The following PDE2A variants were observed in gnomAD, a reference collection of about 807,000 sequenced individuals.
PDE2A encodes cGMP-dependent 3',5'-cyclic phosphodiesterase.
Under a neutral mutation model 133.6 loss-of-function variants are expected in PDE2A, and 53 were observed. The observed-to-expected ratio is 0.40, with a 90% CI of 0.32 to 0.50. The LOEUF is 0.50. Ranked by LOEUF, PDE2A falls within the 20% of genes least tolerant of loss-of-function variation. PDE2A has a pLI of 0.73. For synonymous variants in PDE2A, 491 were observed against 490.2 expected (o/e 1.00, Z -0.02); for missense variants, 796 against 1,232.4 (o/e 0.65, Z 5.30).
At chr11:72,662,602 T>G (rs1407235904) in intron 1 of PDE2A, among the ~76,000 whole-genome samples, 1 of 152,144 alleles carries the variant, frequency 6.6e-6, no homozygotes, top group Non-Finnish European at 1.5e-5. Flanking sequence ...ACAGGCAGCA[T>G]GAGGCAGGGA....
chr11:72,608,879 C>T, intron 2 of PDE2A, 128 bp from the exon 3 acceptor site: 3 of 637,136 alleles, frequency 4.7e-6, no homozygotes, highest in Non-Finnish European at 8.7e-6. Flanking sequence ...ACAGGAATCC[C>T]AGGATCTTAG....
At position 72,588,867 on chromosome 11, in the gene PDE2A, G is replaced by A. The variant is rs775051358; in HGVS notation, c.987C>T (p.Ala329=). The A allele has an allele frequency of 6.2e-7, 1 of 1,611,636 alleles. No individual in the cohort carries two copies. Among genetic ancestry groups the A allele is most frequent in the East Asian group, 2.2e-5 (1 of 44,814 alleles). ...LQSMLGCELQ[A]MLCVPVISRA... ...GGCTGATGACAGGGACACAGAGCAT[G>A]GCCTGCAGCTCACAGCCCAACATGC... The change falls in exon 13 of 31, where the codon GCC becomes GCT. Residue 329 remains alanine (A), a synonymous_variant. Coordinates refer to ENST00000334456, the MANE Select transcript of PDE2A (RefSeq NM_002599.5).
intron 20 of PDE2A, among the ~76,000 whole-genome samples, chr11:72,582,842 G>C (rs1204257850): frequency 6.6e-6 from 1 of 152,144 alleles, no homozygotes; most frequent in African/African-American, 2.4e-5. Flanking sequence ...CCTAACCATG[G>C]CAGCATTTCA....
intron 4 of PDE2A, among the ~76,000 whole-genome samples, chr11:72,599,646 G>T (rs1430796210): frequency 6.6e-6 from 1 of 152,162 alleles, no homozygotes; most frequent in Non-Finnish European, 1.5e-5. Context: ...TCCTAGCTGG[G>T]TCTCTTCAAT....
rs936760036 is a variant in PDE2A at position 72,674,263 on chromosome 11, C to T, written c.-56G>A. ...CTAAGGTGGCACCTCGCCCTGTCCC[C>T]GCTGCCTGGAGTTCAGGGCAGGGCA... On this transcript the variant is annotated 5_prime_UTR_variant, in exon 1 of 31. Transcript: ENST00000334456. 9 of 1,554,038 alleles carry T rather than the reference C, an allele frequency of 5.8e-6. No individual in the cohort carries two copies. Among genetic ancestry groups the T allele is most frequent in the African/African-American group, 2.7e-5 (2 of 73,604 alleles).
At chr11:72,649,666 T>C (rs1277750875) in intron 1 of PDE2A, among the ~76,000 whole-genome samples, 1 of 152,192 alleles carries the variant, frequency 6.6e-6, no homozygotes, top group Non-Finnish European at 1.5e-5. Context: ...GGAGTCACTC[T>C]AGCCATTCAG....
rs1856215608 is a variant in PDE2A, at chr11:72,590,860, C to T, written c.550-280G>A. 1 of 399,678 alleles carries T rather than the reference C, an allele frequency of 2.5e-6. No individual in the cohort carries two copies. The highest frequency in any genetic ancestry group is 3.9e-5 in the East Asian group (1 of 25,516). The allele number at this position is 399,678 out of a possible 1,614,324, so 24.8% of individuals were successfully genotyped here. ...CCAAGACAAGATGTCAGATTTCTGT[C>T]TCCAGCCCCCTCAGGAAGTCGTAAG... is the stretch of plus-strand genomic sequence containing the variant. On this transcript the variant is annotated intron_variant, in intron 7 of 30. Coordinates refer to ENST00000334456, the MANE Select transcript of PDE2A (RefSeq NM_002599.5). The surrounding 1 kb of genome is among the most constrained non-coding windows in gnomAD (Gnocchi z 4.8).
chr11:72,638,671 C>A (rs1044765880), intron 2 of PDE2A, among the ~76,000 whole-genome samples: 1 of 130,176 alleles, frequency 7.7e-6, no homozygotes, highest in Non-Finnish European at 1.8e-5. Context: ...GACTTTTGGA[C>A]AATTGCATGA....
At chr11:72,631,266 G>A in intron 2 of PDE2A, 1 of 661,450 alleles carries the variant, frequency 1.5e-6, no homozygotes, top group South Asian at 1.9e-5. Context: ...TTGCCTGCTT[G>A]CACCCTGCTC....
In PDE2A at chr11:72,576,576, A is replaced by G. The variant is rs1483571103; in HGVS notation, c.*808T>C. 5.9e-6 allele frequency: 1 copy of G among 169,504 alleles called. No homozygotes were observed. The highest frequency in any genetic ancestry group is 1.5e-5 in the Non-Finnish European group (1 of 68,388). 10.5% of individuals were successfully genotyped at this position (169,504 alleles called of 1,614,324 possible). On this transcript the variant is annotated 3_prime_UTR_variant, in exon 31 of 31. Coordinates refer to ENST00000334456, the MANE Select transcript of PDE2A (RefSeq NM_002599.5). ...CTGCTGGGACTCCGCAGAGCGATAGAGCTATTTTAGACATTGATCTAAAAT... is the reference window on the plus strand; with the variant it reads ...CTGCTGGGACTCCGCAGAGCGATAGGGCTATTTTAGACATTGATCTAAAAT...
intron 18 of PDE2A, 114 bp downstream of exon 18, chr11:72,584,437 C>CT (rs1855867366): frequency 7.5e-7 from 1 of 1,330,158 alleles, no homozygotes; most frequent in Non-Finnish European, 1.1e-6. Flanking sequence ...TGGAACCCGA[C>CT]TCCCTTATGC....
rs1055914593 is a variant in PDE2A, at chr11:72,585,669, G to C, written c.1183-76C>G. On this transcript the variant is annotated intron_variant, in intron 14 of 30. Coordinates refer to ENST00000334456, the MANE Select transcript of PDE2A (RefSeq NM_002599.5). ...CCTATCCAACCTCCTGCCTCCAACA[G>C]CACCCGGGTCTTCTCCTTCCTTCCC... 8.5e-6 allele frequency: 11 copies of C among 1,301,452 alleles called. No homozygotes were observed. The African/African-American group carries it at 1.2e-4, about 14-fold the overall frequency. 80.6% of individuals were successfully genotyped at this position (1,301,452 alleles called of 1,614,324 possible). A position where few individuals can be genotyped will look rare whatever the true frequency, so the allele number is the denominator to read the frequency against.
chr11:72,603,145 G>T (rs1156998565), intron 4 of PDE2A, among the ~76,000 whole-genome samples: 1 of 152,184 alleles, frequency 6.6e-6, no homozygotes, highest in Admixed American at 6.5e-5. Context: ...TCCCCTGGGA[G>T]GTCCTTGCTG....
intron 7 of PDE2A, 66 bp downstream of exon 7, chr11:72,591,231 G>T: frequency 1.5e-6 from 2 of 1,352,078 alleles, no homozygotes; most frequent in Non-Finnish European, 2.1e-6. Context: ...CCCTGGCCAG[G>T]CCATCTTCCC....
At chr11:72,663,750 A>G (rs184061560) in intron 1 of PDE2A, among the ~76,000 whole-genome samples, 303 of 152,090 alleles carry the variant, frequency 2.0e-3, no homozygotes, top group South Asian at 5.0e-3. Flanking sequence ...AAAGAAAGAA[A>G]AAAAAGAAAA....
chr11:72,671,629 G>A (rs1855388437), intron 1 of PDE2A, among the ~76,000 whole-genome samples: 1 of 152,112 alleles, frequency 6.6e-6, no homozygotes, highest in Non-Finnish European at 1.5e-5. Flanking sequence ...CGGGGGGTGG[G>A]GGTGCAGGGA....
intron 1 of PDE2A, among the ~76,000 whole-genome samples, chr11:72,665,325 G>A (rs1015226449): frequency 4.4e-4 from 67 of 152,106 alleles, no homozygotes; most frequent in African/African-American, 1.1e-3. Flanking sequence ...TCCTTCCTGC[G>A]GGTGCTGAAC....
chr11:72,579,881 G>T, intron 25 of PDE2A: 1 of 442,544 alleles, frequency 2.3e-6, no homozygotes, highest in Non-Finnish European at 4.0e-6. Flanking sequence ...CCTGAAAGCT[G>T]GAACATTTTT....
chr11:72,599,109 C>T (rs1453463315), intron 4 of PDE2A: 18 of 849,632 alleles, frequency 2.1e-5, no homozygotes, highest in Non-Finnish European at 2.6e-5. Flanking sequence ...CACAAGGTGG[C>T]ACTGGTCCTT....
Sources: gnomAD v4.1 joint callset for allele counts (sites outside exome capture counted in the v4.1 genomes callset) on GRCh38, gnomAD v4.1.1 for gene constraint, Gnocchi (gnomAD v3.1) non-coding constraint, MANE v1.5 for transcripts, NCBI Gene and HGNC (gene_info 2026-07-23, HGNC 2026-07-21) for gene names.